SOX6: variants seen among roughly 807,000 people sequenced by gnomAD.
SOX6 encodes transcription factor SOX-6.
A neutral mutation model predicts 97.8 loss-of-function variants in SOX6; 11 were observed. The ratio of observed to expected loss-of-function variants is 0.11; its 90% confidence interval spans 0.07 to 0.19. The LOEUF is 0.19. SOX6 is among the 10% of genes least tolerant of loss of function. SOX6 has a pLI of 1.00. For missense variants in SOX6, 810 were observed against 1,039.5 expected, an observed-to-expected ratio of 0.78 and a Z score of 3.04; for synonymous variants, 360 against 371.4, an observed-to-expected ratio of 0.97 and a Z score of 0.35.
intron 4 of SOX6, among the ~76,000 whole-genome samples, chr11:16,503,221 C>A (rs1165668950): frequency 1.3e-5 from 2 of 151,516 alleles, no homozygotes; most frequent in Non-Finnish European, 2.9e-5. Flanking sequence ...TGGAGTTCTA[C>A]CCCTGGAAGT....
intron 3 of SOX6, among the ~76,000 whole-genome samples, chr11:16,250,461 T>A (rs912025063): frequency 6.6e-6 from 1 of 152,112 alleles, no homozygotes; most frequent in African/African-American, 2.4e-5. Flanking sequence ...CAGATCTCAA[T>A]TAGGTTGTTT....
chr11:16,314,924 A>C (rs187482556), intron 3 of SOX6: 1 of 152,234 alleles, frequency 6.6e-6, no homozygotes, highest in African/African-American at 2.4e-5. Context: ...GTTTTAAATT[A>C]TTTACTGGTT....
intron 12 of SOX6, among the ~76,000 whole-genome samples, chr11:16,034,938 A>G (rs1405585118): frequency 1.3e-5 from 2 of 152,220 alleles, no homozygotes; most frequent in Non-Finnish European, 2.9e-5. Context: ...GCACAGCAGG[A>G]GCAGGTACCC....
chr11:16,311,703 G>A (rs796880894), intron 3 of SOX6: 29 of 152,212 alleles, frequency 1.9e-4, no homozygotes, highest in African/African-American at 6.5e-4. Flanking sequence ...ACACTCAGTA[G>A]GCTATACTGT....
intron 3 of SOX6, among the ~76,000 whole-genome samples, chr11:16,648,625 T>C (rs970969463): frequency 4.6e-5 from 7 of 152,096 alleles, no homozygotes; most frequent in African/African-American, 1.7e-4. Flanking sequence ...AGGAAGAAGA[T>C]AATACCAATT....
At chr11:16,049,594 TA>T in intron 11 of SOX6, 160 bp downstream of exon 11, 10 of 830,676 alleles carry the variant, frequency 1.2e-5, no homozygotes, top group Non-Finnish European at 1.9e-5. Context: ...AAAGTTCTAA[TA>T]AAAGAAGATA....
At chr11:16,333,048 C>T (rs1011329302) in intron 2 of SOX6, among the ~76,000 whole-genome samples, 4 of 152,086 alleles carry the variant, frequency 2.6e-5, no homozygotes, top group African/African-American at 7.2e-5. Context: ...GACTGAATAA[C>T]GAGAGACAGC....
chr11:16,210,952 AAAG>A (rs1444791283), intron 4 of SOX6, among the ~76,000 whole-genome samples: 1 of 152,190 alleles, frequency 6.6e-6, no homozygotes, highest in African/African-American at 2.4e-5. Flanking sequence ...TAGTTCTCCC[AAAG>A]AAGATGACTT....
chr11:16,695,779 G>A (rs1848048390), intron 3 of SOX6, among the ~76,000 whole-genome samples: 1 of 152,012 alleles, frequency 6.6e-6, no homozygotes, highest in Admixed American at 6.6e-5. Context: ...CTTGGGGTCA[G>A]GAATTTGAGA....
intron 9 of SOX6, among the ~76,000 whole-genome samples, chr11:16,088,849 A>G (rs931968960): frequency 2.6e-5 from 4 of 152,200 alleles, no homozygotes; most frequent in South Asian, 2.1e-4. Flanking sequence ...TGCACTTTGT[A>G]TAGTTTGAGA....
chr11:16,661,331 C>G (rs927832967), intron 3 of SOX6, among the ~76,000 whole-genome samples: 3 of 152,042 alleles, frequency 2.0e-5, no homozygotes, highest in African/African-American at 7.2e-5. Context: ...TTTTCTGTGT[C>G]TTAATATTTA....
intron 6 of SOX6, among the ~76,000 whole-genome samples, chr11:16,169,618 C>T (rs1473974664): frequency 6.6e-6 from 1 of 151,972 alleles, no homozygotes; most frequent in African/African-American, 2.4e-5. Flanking sequence ...AGAATCATAG[C>T]CAAACACTCA....
At chr11:16,503,872 G>A (rs762689988) in intron 4 of SOX6, among the ~76,000 whole-genome samples, 42 of 151,954 alleles carry the variant, frequency 2.8e-4, no homozygotes, top group South Asian at 4.2e-4. Flanking sequence ...GTGAAACTCC[G>A]TCTGTACTAA....
intron 13 of SOX6, among the ~76,000 whole-genome samples, chr11:16,002,720 GC>G (rs1479306088): frequency 6.6e-6 from 1 of 152,104 alleles, no homozygotes; most frequent in Non-Finnish European, 1.5e-5. Context: ...TCAAGAAGAT[GC>G]CCTTGGAGAA....
At position 16,733,884 on chromosome 11, in the gene SOX6, G is replaced by A. The variant is rs377668573; in HGVS notation, n.353+2455C>T. 5.3e-5 allele frequency among the ~76,000 whole-genome samples: 8 copies of A among 151,628 alleles called. No individual in the cohort carries two copies. In the South Asian group the frequency reaches 6.3e-4, roughly 12 times the overall value. Reference sequence around the variant, plus strand: ...TACTAAAAATACAAAAAAATTAGCCGGGCATGGTGGCAGGCACCTGTAGTC... The same window carrying A: ...TACTAAAAATACAAAAAAATTAGCCAGGCATGGTGGCAGGCACCTGTAGTC... On this transcript the variant is annotated intron_variant and non_coding_transcript_variant, in intron 2 of 5. Transcript: ENST00000524520.
intron 9 of SOX6, among the ~76,000 whole-genome samples, chr11:16,066,988 G>T (rs1411994190): frequency 6.6e-6 from 1 of 152,134 alleles, no homozygotes; most frequent in Non-Finnish European, 1.5e-5. Flanking sequence ...AGGGCCTGTA[G>T]CCCCTTTGTT....
At chr11:16,670,080 A>G (rs1272260797) in intron 3 of SOX6, among the ~76,000 whole-genome samples, 1 of 151,834 alleles carries the variant, frequency 6.6e-6, no homozygotes, top group Non-Finnish European at 1.5e-5. Flanking sequence ...AAGGCCCCCA[A>G]CTCATGGACA....
intron 12 of SOX6, among the ~76,000 whole-genome samples, chr11:16,030,861 T>C (rs1009685242): frequency 1.9e-4 from 29 of 152,196 alleles, no homozygotes; most frequent in Admixed American, 1.6e-3. Flanking sequence ...TACTTATTTA[T>C]GCTATCAGCC....
intron 1 of SOX6, among the ~76,000 whole-genome samples, chr11:16,380,754 C>A (rs2134408751): frequency 6.6e-6 from 1 of 152,172 alleles, no homozygotes; most frequent in East Asian, 1.9e-4. Flanking sequence ...AGCAAATCAC[C>A]TCTATATGTG....
Sources: gnomAD v4.1 joint callset for allele counts (sites outside exome capture counted in the v4.1 genomes callset) on GRCh38, gnomAD v4.1.1 for gene constraint, MANE v1.5 for transcripts, NCBI Gene and HGNC (gene_info 2026-07-23, HGNC 2026-07-21) for gene names.